WWP1: variants seen among roughly 807,000 people sequenced by gnomAD.
WWP1 encodes NEDD4-like E3 ubiquitin-protein ligase WWP1.
In WWP1, 49 loss-of-function variants were observed where a neutral mutation model predicts 130.6. That is an observed-to-expected ratio of 0.38 (90% confidence interval 0.30 to 0.48). The LOEUF (loss-of-function observed/expected upper bound fraction) is 0.48, where lower values mean the gene tolerates loss of function less well. WWP1 is among the 20% of genes least tolerant of loss of function. WWP1 has a pLI of 0.99. For missense variants in WWP1, 809 were observed against 1,100.6 expected (o/e 0.74, Z 3.75); for synonymous variants, 332 against 367.8 (o/e 0.90, Z 1.11).
chr8:86,370,632 A>G (rs1160780315), intron 2 of WWP1, among the ~76,000 whole-genome samples: 2 of 152,174 alleles, frequency 1.3e-5, no homozygotes, highest in African/African-American at 4.8e-5. Context: ...AAGGAAATGA[A>G]TAACAAAAGA....
At chr8:86,456,323 A>G (rs556779250) in intron 21 of WWP1, among the ~76,000 whole-genome samples, 3 of 152,068 alleles carry the variant, frequency 2.0e-5, no homozygotes, top group South Asian at 2.1e-4. Context: ...TGAAAAAGCA[A>G]CCTACACCCT....
At chr8:86,440,567 C>A in intron 17 of WWP1, 2 of 394,860 alleles carry the variant, frequency 5.1e-6, no homozygotes, top group Non-Finnish European at 9.9e-6. Flanking sequence ...GGTGCCCACA[C>A]AGTCCTTTTT....
At chr8:86,385,650 G>A (rs1825239695) in intron 5 of WWP1, among the ~76,000 whole-genome samples, 1 of 152,154 alleles carries the variant, frequency 6.6e-6, no homozygotes, top group South Asian at 2.1e-4. Context: ...GTGATAGTGG[G>A]AAAGTTATTG....
chr8:86,441,527 C>T (rs1327324455), intron 17 of WWP1, among the ~76,000 whole-genome samples: 2 of 152,190 alleles, frequency 1.3e-5, no homozygotes, highest in Non-Finnish European at 2.9e-5. Flanking sequence ...ATTTGAAAAT[C>T]ATTAGATTAT....
intron 5 of WWP1, among the ~76,000 whole-genome samples, chr8:86,387,220 C>T (rs1009703813): frequency 3.3e-5 from 5 of 152,068 alleles, no homozygotes; most frequent in Non-Finnish European, 7.4e-5. Context: ...CCCTTATTTT[C>T]ACATTCTTCC....
chr8:86,377,245 C>G (rs72688578), intron 3 of WWP1, among the ~76,000 whole-genome samples: 8,186 of 141,566 alleles, frequency 0.058, 315 homozygotes, highest in Non-Finnish European at 0.088. Flanking sequence ...GCCAGCATTC[C>G]TGTCTAATTT....
chr8:86,427,530 T>G, intron 10 of WWP1, 113 bp from the exon 11 acceptor site: 6 of 1,094,226 alleles, frequency 5.5e-6, no homozygotes, highest in Non-Finnish European at 7.6e-6. Flanking sequence ...GTTTTATATG[T>G]TTTAGTTATT....
intron 1 of WWP1, among the ~76,000 whole-genome samples, chr8:86,350,320 G>C (rs907312986): frequency 2.0e-5 from 3 of 152,158 alleles, no homozygotes; most frequent in South Asian, 2.1e-4. Flanking sequence ...ATGGTTAAAG[G>C]TGAAATGAAG....
rs552677801 is a variant in WWP1 at position 86,435,083 on chromosome 8, A to C, written c.1602-369A>C. ...GGAATATTTGTTTGGGTTTTAGGTT[A>C]GGCTTAGGATGTGGTAGAATTTCCT... On this transcript the variant is annotated intron_variant, in intron 14 of 24. Transcript: ENST00000517970. 1.4e-4 allele frequency among the ~76,000 whole-genome samples: 22 copies of C among 152,334 alleles called. 2 individuals carry two copies. Among genetic ancestry groups the C allele is most frequent in the African/African-American group, 4.3e-4 (18 of 41,586 alleles).
chr8:86,397,304 C>T (rs561237704), intron 5 of WWP1, among the ~76,000 whole-genome samples: 2 of 152,024 alleles, frequency 1.3e-5, no homozygotes, highest in African/African-American at 2.4e-5. Context: ...ATAACTTTCT[C>T]TTTTAGTTTT....
At chr8:86,447,741 A>G (rs965359042) in intron 18 of WWP1, among the ~76,000 whole-genome samples, 3 of 152,116 alleles carry the variant, frequency 2.0e-5, no homozygotes, top group Admixed American at 6.5e-5. Context: ...CGAAGGCACG[A>G]TGGGGTTAGT....
At chr8:86,416,720 T>TAC (rs959498295) in intron 9 of WWP1, among the ~76,000 whole-genome samples, 53 of 152,256 alleles carry the variant, frequency 3.5e-4, no homozygotes, top group African/African-American at 1.2e-3. Flanking sequence ...AGTTATAAAT[T>TAC]AGAGTTCTAT....
At chr8:86,397,656 G>A (rs77439029) in intron 5 of WWP1, among the ~76,000 whole-genome samples, 112 of 152,056 alleles carry the variant, frequency 7.4e-4, no homozygotes, top group African/African-American at 2.6e-3. Flanking sequence ...CTAATATATC[G>A]TTTAATGCAT....
intron 5 of WWP1, among the ~76,000 whole-genome samples, chr8:86,396,767 A>T (rs1409793438): frequency 1.3e-5 from 2 of 151,584 alleles, no homozygotes; most frequent in Non-Finnish European, 2.9e-5. Flanking sequence ...CTAATTTTTA[A>T]TTTTTTTAAA....
intron 2 of WWP1, among the ~76,000 whole-genome samples, chr8:86,369,338 T>A (rs540744572): frequency 1.3e-3 from 205 of 152,300 alleles, no homozygotes; most frequent in African/African-American, 4.8e-3. Context: ...ATTTGCTGTA[T>A]CTCTTCACTT....
intron 4 of WWP1, 60 bp downstream of exon 4, chr8:86,380,924 G>A (rs764636473): frequency 2.3e-5 from 33 of 1,465,690 alleles, no homozygotes; most frequent in Non-Finnish European, 3.0e-5. Flanking sequence ...TTTGGAATAT[G>A]TTTTTTGTTT....
chr8:86,399,856 C>T (rs973851999), intron 7 of WWP1, among the ~76,000 whole-genome samples: 1 of 152,116 alleles, frequency 6.6e-6, no homozygotes, highest in Non-Finnish European at 1.5e-5. Context: ...TCAGTCTTTA[C>T]CTGCCCAAAC....
Position 86,467,039 on chromosome 8 carries a change from T to A in WWP1, c.*146T>A, listed in dbSNP as rs1449993362. On this transcript the variant is annotated 3_prime_UTR_variant, in exon 25 of 25. Coordinates refer to ENST00000517970, the MANE Select transcript of WWP1 (RefSeq NM_007013.4). ...TGTTTTCCGTTCTTCCACAGAAATA[T>A]GCAAAACAGTTCATCCTTTTCTACT... The A allele has an allele frequency of 4.8e-6, 3 of 622,536 alleles. No individual in the cohort carries two copies. The highest frequency in any genetic ancestry group is 4.0e-5 in the South Asian group (2 of 50,192). 38.6% of individuals were successfully genotyped at this position (622,536 alleles called of 1,614,324 possible).
rs1353870966 is a variant in WWP1, at chr8:86,381,539, G to A, written c.244G>A (p.Val82Ile). 1 of 1,609,878 alleles carries A rather than the reference G, an allele frequency of 6.2e-7. No homozygotes were observed. Among genetic ancestry groups the A allele is most frequent in the Non-Finnish European group, 8.5e-7 (1 of 1,179,086 alleles). Residue 82 changes from valine (V) to isoleucine (I), a missense_variant, in exon 5 of 25, where the codon GTT (valine) becomes ATT (isoleucine). Val to Ile is a conservative substitution (Grantham distance 29). This residue lies in a region of WWP1 where 262 missense variants were observed against 346.0 expected (regional missense o/e 0.76). Coordinates refer to ENST00000517970, the MANE Select transcript of WWP1 (RefSeq NM_007013.4). ...VTPQTTLEFQ[V>I]WSHRTLKADA... ...GCCACAGACTACATTGGAATTTCAA[G>A]TTTGGAGCCATCGCACTTTAAAAGC...
Sources: gnomAD v4.1 joint callset for allele counts (sites outside exome capture counted in the v4.1 genomes callset) on GRCh38, gnomAD v4.1.1 for gene constraint, gnomAD v4.1.1 regional missense constraint, MANE v1.5 for transcripts, NCBI Gene and HGNC (gene_info 2026-07-23, HGNC 2026-07-21) for gene names.